TRIM2: variants seen among roughly 807,000 people sequenced by gnomAD.
TRIM2 encodes tripartite motif containing 2.
Under a neutral mutation model 75.2 loss-of-function variants are expected in TRIM2, and 20 were observed. The observed-to-expected ratio is 0.27, with a 90% confidence interval of 0.19 to 0.39. The LOEUF is 0.39. Ranked by LOEUF, TRIM2 falls within the 10% of genes least tolerant of loss-of-function variation. TRIM2 has a pLI of 1.00. For synonymous variants in TRIM2, 373 were observed against 388.3 expected (o/e 0.96, Z 0.46); for missense variants, 660 against 990.8 (o/e 0.67, Z 4.48).
rs147719192 is a variant in TRIM2 at position 153,175,081 on chromosome 4, C to T, written c.-49+21811C>T. ...TTAAGGTGCAGTGGTGCAATCTCGG[C>T]TCGCTGCAACCTCCGCCTTCTGCCT... is the stretch of plus-strand genomic sequence containing the variant. On this transcript the variant is annotated intron_variant, in intron 1 of 11. Transcript: ENST00000437508. Among the ~76,000 whole-genome samples, 20 of 152,198 alleles carry T rather than the reference C, an allele frequency of 1.3e-4. No individual in the cohort carries two copies. In the East Asian group the frequency reaches 3.9e-3, roughly 29 times the overall value.
chr4:153,299,499 A>G (rs1253962797), intron 6 of TRIM2, among the ~76,000 whole-genome samples: 1 of 152,186 alleles, frequency 6.6e-6, no homozygotes, highest in Non-Finnish European at 1.5e-5. Flanking sequence ...GGATGCAGAT[A>G]TCTCTTTGAC....
At chr4:153,329,201 C>G (rs188261221) in intron 11 of TRIM2, among the ~76,000 whole-genome samples, 1 of 152,120 alleles carries the variant, frequency 6.6e-6, no homozygotes, top group Non-Finnish European at 1.5e-5. Flanking sequence ...ACACATATTG[C>G]TCTATCATAA....
chr4:153,329,460 C>T (rs1443361183), intron 11 of TRIM2, among the ~76,000 whole-genome samples: 2 of 151,610 alleles, frequency 1.3e-5, no homozygotes, highest in Non-Finnish European at 2.9e-5. Context: ...AAAGAGGAAA[C>T]ATTTTAAATC....
At chr4:153,319,603 G>A (rs1048245146) in intron 8 of TRIM2, among the ~76,000 whole-genome samples, 16 of 151,984 alleles carry the variant, frequency 1.1e-4, no homozygotes, top group East Asian at 1.9e-4. Flanking sequence ...GGTGATGGGC[G>A]CCTGTAATCC....
At chr4:153,300,335 G>GCTGGAGT (rs973037145) in intron 6 of TRIM2, among the ~76,000 whole-genome samples, 2 of 151,754 alleles carry the variant, frequency 1.3e-5, no homozygotes, top group African/African-American at 4.8e-5. Context: ...GTTTCCCCAG[G>GCTGGAGT]CTGGAGTACA....
intron 1 of TRIM2, among the ~76,000 whole-genome samples, chr4:153,171,053 T>C (rs1296307229): frequency 1.3e-5 from 2 of 152,198 alleles, no homozygotes; most frequent in Non-Finnish European, 1.5e-5. Flanking sequence ...CCTTCCCTTT[T>C]TTAGTAAGGA....
At chr4:153,323,626 C>T (rs958751134) in intron 9 of TRIM2, among the ~76,000 whole-genome samples, 2 of 152,146 alleles carry the variant, frequency 1.3e-5, no homozygotes, top group African/African-American at 4.8e-5. Context: ...GGACTACAGG[C>T]ATGTGCCACC....
chr4:153,290,224 C>T (rs764880159), intron 3 of TRIM2, among the ~76,000 whole-genome samples: 6 of 152,102 alleles, frequency 3.9e-5, no homozygotes, highest in Admixed American at 2.0e-4. Flanking sequence ...TCTGCCAGCC[C>T]TTTGAAAAAC....
intron 3 of TRIM2, among the ~76,000 whole-genome samples, chr4:153,287,538 A>T (rs13137335): frequency 0.27 from 40,649 of 151,848 alleles, 6,900 homozygotes; most frequent in African/African-American, 0.49. Flanking sequence ...TGTTTAATAG[A>T]TATTTTCTAG....
In TRIM2 at chr4:153,309,561, C is replaced by G. The variant is rs1300051398; in HGVS notation, c.1511-5924C>G. 2.0e-5 allele frequency: 3 copies of G among 151,776 alleles called. No individual in the cohort carries two copies. In the East Asian group the frequency reaches 5.8e-4, roughly 29 times the overall value. The allele number at this position is 151,776 out of a possible 1,614,324, so 9.4% of individuals were successfully genotyped here. A position where few individuals can be genotyped will look rare whatever the true frequency, so the allele number is the denominator to read the frequency against. On this transcript the variant is annotated intron_variant, in intron 6 of 11. Transcript: ENST00000338700. ...CTTGATTGAAGATCCTGTGTTAGAT[C>G]TTACACTTGGCTCAGTTTCATCTTG...
Position 153,337,886 on chromosome 4 carries a change from C to T in TRIM2, c.*2920C>T. 2 of 985,816 alleles carry T rather than the reference C, an allele frequency of 2.0e-6. No homozygotes were observed. The highest frequency in any genetic ancestry group is 2.4e-6 in the Non-Finnish European group (2 of 829,940). 61.1% of individuals were successfully genotyped at this position (985,816 alleles called of 1,614,324 possible). On this transcript the variant is annotated 3_prime_UTR_variant, in exon 12 of 12. Coordinates refer to ENST00000338700, the MANE Select transcript of TRIM2 (RefSeq NM_015271.5). Reference sequence around the variant, plus strand: ...TTCAAGGTCAGTGACGACGCATTTCCTCCCAGTACAGACCCCCCAGCCCCC... The same window carrying T: ...TTCAAGGTCAGTGACGACGCATTTCTTCCCAGTACAGACCCCCCAGCCCCC...
At chr4:153,195,315 G>A (rs1465161316) in intron 1 of TRIM2, among the ~76,000 whole-genome samples, 1 of 152,008 alleles carries the variant, frequency 6.6e-6, no homozygotes, top group Admixed American at 6.6e-5. Flanking sequence ...GCCCAGGAGA[G>A]CAGCCTGGGA....
Position 153,335,468 on chromosome 4 carries a change from AC to A in TRIM2, c.*503del. 1 of 985,438 alleles carries A rather than the reference AC, an allele frequency of 1.0e-6. No individual in the cohort carries two copies. Among genetic ancestry groups the A allele is most frequent in the Non-Finnish European group, 1.2e-6 (1 of 829,918 alleles). 61.0% of individuals were successfully genotyped at this position (985,438 alleles called of 1,614,324 possible). On this transcript the variant is annotated 3_prime_UTR_variant, in exon 12 of 12. Coordinates refer to ENST00000338700, the MANE Select transcript of TRIM2 (RefSeq NM_015271.5). Reference sequence around the variant, plus strand: ...TGTGACATTTTTTTGGTTATCAACAACTAAATATAAATTACTTTGGAAAAAG... The same window carrying A: ...TGTGACATTTTTTTGGTTATCAACAATAAATATAAATTACTTTGGAAAAAG...
intron 1 of TRIM2, among the ~76,000 whole-genome samples, chr4:153,181,905 C>T (rs537137900): frequency 1.3e-5 from 2 of 152,264 alleles, no homozygotes; most frequent in Admixed American, 1.3e-4. Context: ...GGTTCCTACC[C>T]TGAGGGCCTG....
Position 153,295,995 on chromosome 4 carries a change from G to T in TRIM2, c.1469G>T (p.Arg490Leu), listed in dbSNP as rs199933677. ...GCAAGCATGTACAGCACTGGAAAAC[G>T]AAAAGAGAATCCCATCGAAGACGAT... is the stretch of plus-strand genomic sequence containing the variant. ...RPASMYSTGK[R>L]KENPIEDDLI... The change falls in exon 6 of 12, where the codon CGA becomes CTA. Residue 490 changes from arginine (R) to leucine (L), a missense_variant. Transcript: ENST00000338700. This position sits in a 1 kb window ranked among gnomAD's most constrained non-coding sequence, Gnocchi z 7.2. 57 of 1,527,814 alleles carry T rather than the reference G, an allele frequency of 3.7e-5. 1 individual carries two copies. The highest frequency in any genetic ancestry group is 7.0e-6 in the Non-Finnish European group (8 of 1,140,488). The allele number at this position is 1,527,814 out of a possible 1,614,324, so 94.6% of individuals were successfully genotyped here.
chr4:153,221,931 A>G lies in TRIM2; in HGVS notation c.30+17371A>G, dbSNP rs185275670. ...GAAGGGAGGGAGGGAGAGGGAGAAAAGGAACGAAAGAGTGAGGAAGGAAGG... is the reference window on the plus strand; with the variant it reads ...GAAGGGAGGGAGGGAGAGGGAGAAAGGGAACGAAAGAGTGAGGAAGGAAGG... On this transcript the variant is annotated intron_variant, in intron 1 of 11. Coordinates refer to ENST00000338700, the MANE Select transcript of TRIM2 (RefSeq NM_015271.5). Among the ~76,000 whole-genome samples the G allele has an allele frequency of 2.9e-4, 33 of 113,084 alleles. 1 individual carries two copies. The highest frequency in any genetic ancestry group is 2.1e-4 in the Non-Finnish European group (11 of 53,618). The allele number at this position is 113,084 out of a possible 152,430, so 74.2% of individuals were successfully genotyped here.
At chr4:153,179,002 A>G (rs1731765865) in intron 1 of TRIM2, among the ~76,000 whole-genome samples, 1 of 152,130 alleles carries the variant, frequency 6.6e-6, no homozygotes, top group Non-Finnish European at 1.5e-5. Flanking sequence ...CCTGGGCAAC[A>G]AACACAGTGA....
chr4:153,220,145 G>A (rs142449321), intron 1 of TRIM2, among the ~76,000 whole-genome samples: 4 of 152,270 alleles, frequency 2.6e-5, no homozygotes, highest in South Asian at 2.1e-4. Flanking sequence ...CCAGAATTGG[G>A]TTAGAAGTGG....
chr4:153,238,211 A>C (rs954919414), intron 1 of TRIM2, among the ~76,000 whole-genome samples: 1 of 152,232 alleles, frequency 6.6e-6, no homozygotes, highest in Non-Finnish European at 1.5e-5. Context: ...CCTCCAAGCA[A>C]TGCTTAGAAA....
Sources: allele counts gnomAD v4.1 joint callset (sites outside exome capture counted in the v4.1 genomes callset), GRCh38; gene constraint gnomAD v4.1.1; non-coding constraint Gnocchi (gnomAD v3.1); transcripts MANE v1.5; gene names NCBI Gene and HGNC (gene_info 2026-07-23, HGNC 2026-07-21).